FTO: variants seen among roughly 807,000 people sequenced by gnomAD.
The protein encoded by FTO is alpha-ketoglutarate-dependent dioxygenase FTO.
In FTO, 47 loss-of-function variants were observed where a neutral mutation model predicts 63.9. The ratio of observed to expected loss-of-function variants is 0.74; its 90% CI spans 0.58 to 0.94. FTO has a LOEUF of 0.94. FTO is among the 40% of genes least tolerant of loss of function. The pLI, the probability that FTO is intolerant of heterozygous loss-of-function variation, is 0.00. For synonymous variants in FTO, 207 were observed against 224.4 expected, an observed-to-expected ratio of 0.92 and a Z score of 0.69; for missense variants, 562 against 618.1, an observed-to-expected ratio of 0.91 and a Z score of 0.96.
At chr16:53,720,194 G>C (rs1432293023) in intron 1 of FTO, among the ~76,000 whole-genome samples, 1 of 152,014 alleles carries the variant, frequency 6.6e-6, no homozygotes, top group Non-Finnish European at 1.5e-5. Context: ...TAAACTTGGA[G>C]TTTCACATAT....
chr16:53,744,639 C>T (rs1023564944), intron 1 of FTO, among the ~76,000 whole-genome samples: 1 of 152,208 alleles, frequency 6.6e-6, no homozygotes, highest in African/African-American at 2.4e-5. Flanking sequence ...TGTTCCCCTT[C>T]CTGACTCACT....
intron 8 of FTO, among the ~76,000 whole-genome samples, chr16:54,010,310 A>T (rs2084306441): frequency 6.6e-6 from 1 of 152,066 alleles, no homozygotes; most frequent in Non-Finnish European, 1.5e-5. Context: ...TACTCAGGCG[A>T]TGGGAGGATC....
chr16:53,989,833 CCCTCCT>C (rs139259532), intron 8 of FTO, among the ~76,000 whole-genome samples: 47 of 151,096 alleles, frequency 3.1e-4, no homozygotes, highest in African/African-American at 1.1e-3. Context: ...CCCCTCCACT[CCCTCCT>C]CCTCCTCCTC....
chr16:54,093,370 G>A (rs1398195969), intron 8 of FTO, among the ~76,000 whole-genome samples: 1 of 152,236 alleles, frequency 6.6e-6, no homozygotes, highest in Non-Finnish European at 1.5e-5. Flanking sequence ...ACTCCCAGGT[G>A]GTCTCAGCTG....
intron 8 of FTO, among the ~76,000 whole-genome samples, chr16:53,975,225 T>A (rs1039930549): frequency 1.1e-4 from 16 of 151,736 alleles, no homozygotes; most frequent in Non-Finnish European, 1.0e-4. Flanking sequence ...TTTTTTGGTG[T>A]TGCAGTTGCA....
intron 8 of FTO, among the ~76,000 whole-genome samples, chr16:54,083,039 T>A (rs2144518697): frequency 6.6e-6 from 1 of 152,236 alleles, no homozygotes; most frequent in East Asian, 1.9e-4. Context: ...AGATTTTTAT[T>A]AAGGGTTTTA....
At chr16:53,863,583 C>T (rs2080232335) in intron 4 of FTO, among the ~76,000 whole-genome samples, 1 of 152,204 alleles carries the variant, frequency 6.6e-6, no homozygotes, top group South Asian at 2.1e-4. Context: ...TCTGCAATGC[C>T]TGGTACTCAG....
chr16:54,014,463 A>G (rs544849315), intron 8 of FTO, among the ~76,000 whole-genome samples: 1 of 151,812 alleles, frequency 6.6e-6, no homozygotes, highest in African/African-American at 2.4e-5. Flanking sequence ...TTCCACCATG[A>G]GTGGAAGCTT....
chr16:53,790,012 GTT>G (rs1251420763), intron 1 of FTO, among the ~76,000 whole-genome samples: 1 of 148,442 alleles, frequency 6.7e-6, no homozygotes, highest in Non-Finnish European at 1.5e-5. Flanking sequence ...TGTATGTATA[GTT>G]ATATATACAC....
chr16:53,871,139 CTT>C (rs1347034709), intron 4 of FTO, among the ~76,000 whole-genome samples: 1 of 151,980 alleles, frequency 6.6e-6, no homozygotes, highest in East Asian at 1.9e-4. Flanking sequence ...TTAGTTTAGT[CTT>C]ATATCTTTTT....
At chr16:54,032,016 T>C (rs1158096993) in intron 8 of FTO, among the ~76,000 whole-genome samples, 1 of 152,158 alleles carries the variant, frequency 6.6e-6, no homozygotes, top group Admixed American at 6.5e-5. Flanking sequence ...GACCAATATA[T>C]GGGAGGCATC....
chr16:54,084,711 G>C (rs1876941), intron 8 of FTO, among the ~76,000 whole-genome samples: 144,191 of 152,218 alleles, frequency 0.95, 68,406 homozygotes, highest in East Asian at 1. Flanking sequence ...TCTAGATACA[G>C]GGAGAAGCCA....
intron 8 of FTO, among the ~76,000 whole-genome samples, chr16:53,966,245 TTTAA>T (rs1376620006): frequency 1.3e-5 from 2 of 152,200 alleles, no homozygotes; most frequent in African/African-American, 4.8e-5. Context: ...ATTTTTACTG[TTTAA>T]TTGTCTGCCC....
intron 7 of FTO, among the ~76,000 whole-genome samples, chr16:53,933,566 C>T (rs2082326627): frequency 6.6e-6 from 1 of 152,134 alleles, no homozygotes; most frequent in South Asian, 2.1e-4. Flanking sequence ...CAGAGAAAGC[C>T]TCAGCTGGGT....
At chr16:53,862,087 A>C (rs1190443743) in intron 4 of FTO, among the ~76,000 whole-genome samples, 1 of 152,134 alleles carries the variant, frequency 6.6e-6, no homozygotes, top group Non-Finnish European at 1.5e-5. Context: ...TCATCTACTG[A>C]AAATACAACA....
intron 8 of FTO, chr16:54,008,329 T>C (rs1384883338): frequency 6.6e-6 from 1 of 152,122 alleles, no homozygotes; most frequent in East Asian, 1.9e-4. Flanking sequence ...TCATTTATCA[T>C]CCCCTTTTAT....
intron 8 of FTO, among the ~76,000 whole-genome samples, chr16:53,954,439 G>A (rs551266130): frequency 1.3e-5 from 2 of 152,050 alleles, no homozygotes; most frequent in Non-Finnish European, 2.9e-5. Context: ...GGCAGATGGC[G>A]TACCTTGACT....
At chr16:53,837,232 A>G (rs1239756382) in intron 3 of FTO, among the ~76,000 whole-genome samples, 2 of 152,186 alleles carry the variant, frequency 1.3e-5, no homozygotes, top group East Asian at 3.9e-4. Context: ...TCCGTGAAAC[A>G]TGATGTAATG....
At chr16:53,705,336 A>G (rs953813493) in intron 1 of FTO, among the ~76,000 whole-genome samples, 11 of 152,090 alleles carry the variant, frequency 7.2e-5, no homozygotes, top group Non-Finnish European at 1.3e-4. Context: ...CATGATCTGG[A>G]CCCTACCTGC....
Sources: allele counts gnomAD v4.1 joint callset (sites outside exome capture counted in the v4.1 genomes callset), GRCh38; gene constraint gnomAD v4.1.1; transcripts MANE v1.5; gene names NCBI Gene and HGNC (gene_info 2026-07-23, HGNC 2026-07-21).